The following NKAIN4 variants were observed in gnomAD, a reference collection of about 807,000 sequenced individuals.
The protein encoded by NKAIN4 is sodium/potassium-transporting ATPase subunit beta-1-interacting protein 4.
In NKAIN4, 28 loss-of-function variants were observed where a neutral mutation model predicts 28.8. The observed-to-expected ratio is 0.97, with a 90% CI of 0.72 to 1.33. The LOEUF (loss-of-function observed/expected upper bound fraction) is 1.33. Among genes scored for constraint, NKAIN4 ranks in the 40% most tolerant of loss-of-function variants. NKAIN4 has a pLI of 0.00. For synonymous variants in NKAIN4, 122 were observed against 115.6 expected, an observed-to-expected ratio of 1.06 and a Z score of -0.36; for missense variants, 289 against 277.2, an observed-to-expected ratio of 1.04 and a Z score of -0.30.
upstream of NKAIN4, chr20:63,254,524 C>G: frequency 8.9e-7 from 1 of 1,124,656 alleles, no homozygotes; most frequent in Non-Finnish European, 1.1e-6. Context: ...GCTCCCCACG[C>G]GCCGCAGCCT....
intron 5 of NKAIN4, among the ~76,000 whole-genome samples, chr20:63,243,696 C>T (rs966862896): frequency 6.6e-6 from 1 of 152,200 alleles, no homozygotes; most frequent in African/African-American, 2.4e-5. Context: ...CTGGAGGCTG[C>T]AGCGGCCTGG....
At chr20:63,254,627 T>G, upstream of NKAIN4, 2 of 355,586 alleles carry the variant, frequency 5.6e-6, no homozygotes, top group Non-Finnish European at 4.3e-6. Context: ...GCGTCTCCCC[T>G]CCCACCCCCG....
At chr20:63,241,859 T>A in intron 6 of NKAIN4, 1 of 420,506 alleles carries the variant, frequency 2.4e-6, no homozygotes, top group Non-Finnish European at 4.6e-6. Flanking sequence ...TTCTCTGACA[T>A]GGGAGCTGGG....
intron 1 of NKAIN4, among the ~76,000 whole-genome samples, chr20:63,251,112 A>G (rs1048341647): frequency 2.6e-5 from 4 of 152,120 alleles, no homozygotes; most frequent in South Asian, 4.1e-4. Context: ...CGTGGGTCAC[A>G]TGTCCACTGG....
chr20:63,245,379 G>A lies in NKAIN4; in HGVS notation c.472-1295C>T, dbSNP rs569753515. Reference sequence around the variant, plus strand: ...AGACGCCCCCATCCCGGAGCTGGCCGTGGCGCCGAACAGGCAGCCGAGCTT... The same window carrying A: ...AGACGCCCCCATCCCGGAGCTGGCCATGGCGCCGAACAGGCAGCCGAGCTT... On this transcript the variant is annotated intron_variant, in intron 4 of 6. Coordinates refer to ENST00000370316, the MANE Select transcript of NKAIN4 (RefSeq NM_152864.4). This position sits in a 1 kb window ranked among gnomAD's most constrained non-coding sequence, Gnocchi z 4.7. Among the ~76,000 whole-genome samples, 229 of 152,166 alleles carry A rather than the reference G, an allele frequency of 1.5e-3. No homozygotes were observed. The highest frequency in any genetic ancestry group is 5.1e-3 in the African/African-American group (211 of 41,508).
chr20:63,246,188 A>G (rs2123082854), intron 4 of NKAIN4, among the ~76,000 whole-genome samples: 1 of 152,302 alleles, frequency 6.6e-6, no homozygotes, highest in East Asian at 1.9e-4. Context: ...TCGGCCTCCC[A>G]AAGTGCTGGG....
At chr20:63,248,020 C>A in intron 3 of NKAIN4, 1 of 419,070 alleles carries the variant, frequency 2.4e-6, no homozygotes, top group Non-Finnish European at 4.1e-6. Flanking sequence ...GAAGGCCTCC[C>A]TGCCCAGACC....
intron 1 of NKAIN4, chr20:63,254,179 A>T (rs1353413038): frequency 2.6e-5 from 11 of 417,542 alleles, no homozygotes; most frequent in Non-Finnish European, 4.6e-5. Flanking sequence ...CCCCCCGCGC[A>T]CGCACACCGG....
chr20:63,244,894 C>G (rs1024211261), intron 4 of NKAIN4, among the ~76,000 whole-genome samples: 7 of 152,226 alleles, frequency 4.6e-5, no homozygotes, highest in Non-Finnish European at 1.0e-4. Context: ...GACCCCGGAA[C>G]GAGGCAGGAA....
intron 1 of NKAIN4, among the ~76,000 whole-genome samples, chr20:63,253,653 G>A (rs1345838946): frequency 6.6e-6 from 1 of 152,250 alleles, no homozygotes; most frequent in Non-Finnish European, 1.5e-5. Flanking sequence ...TCCCCCGAGG[G>A]CACCGGGCTC....
intron 2 of NKAIN4, chr20:63,249,298 C>T (rs1480368191): frequency 4.5e-6 from 1 of 219,832 alleles, no homozygotes; most frequent in Non-Finnish European, 9.3e-6. Flanking sequence ...GAGCTGCCAG[C>T]TGCTTTTGTA....
At position 63,254,382 on chromosome 20, in the gene NKAIN4, G is replaced by C. The variant is rs2067015133; in HGVS notation, c.54+15C>G. On this transcript the variant is annotated intron_variant, in intron 1 of 6. Transcript: ENST00000370316. ...CCGGGGGCTCCAGGAGGCTCGCGGA[G>C]GGGTCGCCACTCACCAGCTGAAAAG... The C allele has an allele frequency of 1.4e-6, 2 of 1,446,556 alleles. No individual in the cohort carries two copies. The highest frequency in any genetic ancestry group is 1.8e-6 in the Non-Finnish European group (2 of 1,101,200). The allele number at this position is 1,446,556 out of a possible 1,614,324, so 89.6% of individuals were successfully genotyped here.
At position 63,241,438 on chromosome 20, in the gene NKAIN4, T is replaced by G. The variant is rs2066748821; in HGVS notation, c.*59A>C. On this transcript the variant is annotated 3_prime_UTR_variant, in exon 7 of 7. Transcript: ENST00000370316. ...CCCAAGGCCTGGGAGCTCCTGTCATTGTCACTGGTCGGTCGCTGAGGCTGG... is the reference window on the plus strand; with the variant it reads ...CCCAAGGCCTGGGAGCTCCTGTCATGGTCACTGGTCGGTCGCTGAGGCTGG... 6.5e-6 allele frequency: 10 copies of G among 1,546,492 alleles called. No individual in the cohort carries two copies. The highest frequency in any genetic ancestry group is 3.3e-4 in the Middle Eastern group (2 of 6,006).
At chr20:63,244,383 A>G in intron 4 of NKAIN4, 1 of 518,944 alleles carries the variant, frequency 1.9e-6, no homozygotes, top group Non-Finnish European at 3.7e-6. Context: ...GAGTGGCTGC[A>G]GGGAGCGGGG....
chr20:63,253,826 G>A (rs868625814), intron 1 of NKAIN4, among the ~76,000 whole-genome samples: 3 of 142,676 alleles, frequency 2.1e-5, no homozygotes, highest in African/African-American at 8.1e-5. Context: ...GCTCCACGCC[G>A]GGCGGAATGG....
chr20:63,243,794 G>A, intron 5 of NKAIN4: 1 of 475,080 alleles, frequency 2.1e-6, no homozygotes, highest in Non-Finnish European at 3.8e-6. Context: ...GGAGTCCTTG[G>A]ACCGGGGGGC....
chr20:63,253,644 C>A (rs1343625298), intron 1 of NKAIN4, among the ~76,000 whole-genome samples: 1 of 152,236 alleles, frequency 6.6e-6, no homozygotes, highest in South Asian at 2.1e-4. Flanking sequence ...TTAGCCCCCT[C>A]CCCCGAGGGC....
At chr20:63,241,544 G>C in intron 6 of NKAIN4, 38 bp from the exon 7 acceptor site, 2 of 1,546,878 alleles carry the variant, frequency 1.3e-6, no homozygotes, top group Middle Eastern at 1.7e-4. Context: ...GGGGGAACAG[G>C]GCTGGGGCAG....
intron 1 of NKAIN4, chr20:63,253,308 C>G (rs2066993525): frequency 4.1e-6 from 4 of 985,392 alleles, no homozygotes; most frequent in Non-Finnish European, 4.8e-6. Context: ...CCCCAGCGAG[C>G]CTCCCAGGAA....
Sources: gnomAD v4.1 joint callset for allele counts (sites outside exome capture counted in the v4.1 genomes callset) on GRCh38, gnomAD v4.1.1 for gene constraint, Gnocchi (gnomAD v3.1) non-coding constraint, MANE v1.5 for transcripts, NCBI Gene and HGNC (gene_info 2026-07-23, HGNC 2026-07-21) for gene names.